NRXN1: variants seen among roughly 807,000 people sequenced by gnomAD.
The protein encoded by NRXN1 is neurexin 1.
NRXN1 carries 39 observed loss-of-function variants against 150.9 expected under a neutral mutation model. The observed-to-expected ratio is 0.26, with a 90% CI of 0.20 to 0.34. The LOEUF (loss-of-function observed/expected upper bound fraction) is 0.34. Ranked by LOEUF, NRXN1 falls within the 10% of genes least tolerant of loss-of-function variation. The pLI is 1.00. For missense variants in NRXN1, 1,815 were observed against 1,949.9 expected (o/e 0.93, Z 1.30); for synonymous variants, 924 against 757.0 (o/e 1.22, Z -3.62).
At chr2:50,272,429 A>G (rs574015949) in intron 17 of NRXN1, among the ~76,000 whole-genome samples, 2 of 152,316 alleles carry the variant, frequency 1.3e-5, no homozygotes, top group South Asian at 4.1e-4. Flanking sequence ...ACTGAAAACA[A>G]CAGCTCCCAT....
intron 17 of NRXN1, among the ~76,000 whole-genome samples, chr2:50,237,211 A>C (rs1271003037): frequency 6.6e-6 from 1 of 152,088 alleles, no homozygotes; most frequent in African/African-American, 2.4e-5. Flanking sequence ...CAGAACAAAT[A>C]GTAGGTTATT....
chr2:50,743,639 A>G (rs1230698722), intron 5 of NRXN1, among the ~76,000 whole-genome samples: 1 of 152,228 alleles, frequency 6.6e-6, no homozygotes, highest in Non-Finnish European at 1.5e-5. Context: ...TGTCAAAGAC[A>G]TGTTTAAAAC....
At chr2:50,751,290 A>T (rs1448013400) in intron 5 of NRXN1, among the ~76,000 whole-genome samples, 1 of 152,060 alleles carries the variant, frequency 6.6e-6, no homozygotes, top group Non-Finnish European at 1.5e-5. Context: ...TACAGCTGTG[A>T]TTGTGAACAG....
chr2:50,303,677 T>C (rs2074365321), intron 17 of NRXN1, among the ~76,000 whole-genome samples: 1 of 152,138 alleles, frequency 6.6e-6, no homozygotes, highest in Non-Finnish European at 1.5e-5. Context: ...CCACAAAAAA[T>C]TACATCAAGA....
chr2:50,619,924 A>G, intron 8 of NRXN1, 98 bp downstream of exon 8: 5 of 1,109,310 alleles, frequency 4.5e-6, no homozygotes, highest in Non-Finnish European at 6.2e-6. Flanking sequence ...GTGCCGTTTG[A>G]CTCTGGAACA....
At chr2:50,441,385 G>C (rs957075272) in intron 17 of NRXN1, among the ~76,000 whole-genome samples, 1 of 151,998 alleles carries the variant, frequency 6.6e-6, no homozygotes, top group African/African-American at 2.4e-5. Flanking sequence ...AATAAGTAGA[G>C]ATATATTTCT....
At chr2:50,236,755 A>T (rs1355767401) in intron 18 of NRXN1, 34 bp downstream of exon 18, 3 of 1,604,548 alleles carry the variant, frequency 1.9e-6, no homozygotes, top group South Asian at 2.2e-5. Context: ...AACAGTAAAA[A>T]GTAAAAGCTG....
At chr2:50,644,306 C>A (rs1409196647) in intron 5 of NRXN1, among the ~76,000 whole-genome samples, 2 of 151,644 alleles carry the variant, frequency 1.3e-5, no homozygotes, top group African/African-American at 2.4e-5. Context: ...AATATTTATT[C>A]TTTATATTAT....
chr2:50,587,344 G>T (rs1162950415), intron 8 of NRXN1, among the ~76,000 whole-genome samples: 1 of 152,290 alleles, frequency 6.6e-6, no homozygotes, highest in African/African-American at 2.4e-5. Context: ...AATTAGCCAG[G>T]CATGGTGGTG....
chr2:50,767,123 G>C (rs1702471975), intron 5 of NRXN1, among the ~76,000 whole-genome samples: 1 of 152,040 alleles, frequency 6.6e-6, no homozygotes, highest in Admixed American at 6.6e-5. Context: ...CTTAGGTCTT[G>C]CTTAGTCAAA....
intron 17 of NRXN1, among the ~76,000 whole-genome samples, chr2:50,441,725 A>C (rs932653711): frequency 2.0e-5 from 3 of 152,086 alleles, no homozygotes; most frequent in Non-Finnish European, 4.4e-5. Flanking sequence ...AGATGCTGCC[A>C]TATAGACATA....
intron 18 of NRXN1, among the ~76,000 whole-genome samples, chr2:50,137,198 A>G: frequency 6.6e-6 from 1 of 152,286 alleles, no homozygotes; most frequent in East Asian, 1.9e-4. Context: ...CCATAAACAT[A>G]TAATATATAA....
At chr2:50,645,106 C>G (rs1368589128) in intron 5 of NRXN1, among the ~76,000 whole-genome samples, 2 of 151,726 alleles carry the variant, frequency 1.3e-5, no homozygotes, top group Non-Finnish European at 2.9e-5. Context: ...ACAAATTGAC[C>G]AATTTCAGAG....
At chr2:50,063,013 C>T (rs761659168) in intron 19 of NRXN1, among the ~76,000 whole-genome samples, 1 of 152,208 alleles carries the variant, frequency 6.6e-6, no homozygotes, top group Middle Eastern at 3.4e-3. Context: ...GTCATCTATA[C>T]CACAAGAGAA....
intron 17 of NRXN1, among the ~76,000 whole-genome samples, chr2:50,348,128 C>G (rs894666867): frequency 8.5e-5 from 13 of 152,124 alleles, no homozygotes; most frequent in African/African-American, 3.1e-4. Context: ...CTTGTTCTAC[C>G]AGGTGTTTAA....
chr2:50,119,798 C>T (rs1703612640), intron 18 of NRXN1, among the ~76,000 whole-genome samples: 1 of 152,136 alleles, frequency 6.6e-6, no homozygotes, highest in Non-Finnish European at 1.5e-5. Flanking sequence ...TGCCATTCTC[C>T]TATATTTACT....
chr2:50,070,719 G>T (rs991565974), intron 19 of NRXN1, among the ~76,000 whole-genome samples: 1 of 140,696 alleles, frequency 7.1e-6, no homozygotes, highest in Non-Finnish European at 1.5e-5. Context: ...GCAGTGAGCC[G>T]AGATCCCGCC....
intron 8 of NRXN1, among the ~76,000 whole-genome samples, chr2:50,601,030 A>G (rs992348545): frequency 1.3e-5 from 2 of 152,142 alleles, no homozygotes; most frequent in African/African-American, 2.4e-5. Flanking sequence ...TGAAGATCTT[A>G]GTGAATTCAT....
chr2:50,200,893 TTC>T (rs2062111645), intron 18 of NRXN1, among the ~76,000 whole-genome samples: 1 of 152,124 alleles, frequency 6.6e-6, no homozygotes, highest in African/African-American at 2.4e-5. Context: ...ATTTTTCTTG[TTC>T]TTTTTATCAG....
Sources: allele counts gnomAD v4.1 joint callset (sites outside exome capture counted in the v4.1 genomes callset), GRCh38; gene constraint gnomAD v4.1.1; transcripts MANE v1.5; gene names NCBI Gene and HGNC (gene_info 2026-07-23, HGNC 2026-07-21).